Variants in ASAP3 observed in about 807,000 individuals in gnomAD.
The protein encoded by ASAP3 is arf-GAP with SH3 domain, ANK repeat and PH domain-containing protein 3.
In ASAP3, 85 loss-of-function variants were observed where a neutral mutation model predicts 118.2. That is an observed-to-expected ratio of 0.72 (90% CI 0.60 to 0.86). The LOEUF is 0.86. Among genes scored for constraint, ASAP3 ranks in the 40% least tolerant of loss-of-function variants. The pLI is 0.00. For synonymous variants in ASAP3, 432 were observed against 477.4 expected, an observed-to-expected ratio of 0.90 and a Z score of 1.24; for missense variants, 1,026 against 1,175.0, an observed-to-expected ratio of 0.87 and a Z score of 1.85.
Position 23,436,594 on chromosome 1 carries a change from G to A in ASAP3, c.1537C>T (p.His513Tyr). Residue 513 changes from histidine (H) to tyrosine (Y), a missense_variant, in exon 16 of 25, where the codon CAC becomes TAC. By Grantham distance (83) the His-to-Tyr change is moderately conservative. Coordinates refer to ENST00000336689, the MANE Select transcript of ASAP3 (RefSeq NM_017707.4). The surrounding 1 kb of genome is among the most constrained non-coding windows in gnomAD (Gnocchi z 4.2). ...TCAGCTGAGGGTTTAGGGCCGCCGT[G>A]TGAGGGTAGCTGGGCCTCCATGACC... ...NEVMEAQLPS[H>Y]GGPKPSAESD... 6.2e-7 allele frequency: 1 copy of A among 1,614,232 alleles called. No homozygotes were observed. The highest frequency in any genetic ancestry group is 8.5e-7 in the Non-Finnish European group (1 of 1,180,036).
At chr1:23,431,296 A>C (rs1640423200) in intron 23 of ASAP3, among the ~76,000 whole-genome samples, 171 bp from the exon 24 acceptor site, 1 of 152,240 alleles carries the variant, frequency 6.6e-6, no homozygotes, top group African/African-American at 2.4e-5. Flanking sequence ...ACTGACCTCC[A>C]GAAGACTCTG....
intron 1 of ASAP3, among the ~76,000 whole-genome samples, chr1:23,467,995 A>G (rs912074403): frequency 3.3e-5 from 5 of 152,102 alleles, no homozygotes; most frequent in Non-Finnish European, 5.9e-5. Flanking sequence ...ATACAACCTA[A>G]AACTTGTATA....
At chr1:23,464,968 A>G (rs1641720820) in intron 1 of ASAP3, among the ~76,000 whole-genome samples, 1 of 152,208 alleles carries the variant, frequency 6.6e-6, no homozygotes, top group South Asian at 2.1e-4. Context: ...GCTGTCCCCA[A>G]ACTACCTGGA....
chr1:23,442,061 A>G (rs1202499449), intron 7 of ASAP3, 125 bp downstream of exon 7: 1 of 996,794 alleles, frequency 1.0e-6, no homozygotes, highest in Non-Finnish European at 1.5e-6. Context: ...TCAATGAGGA[A>G]CTATGAAAGT....
intron 1 of ASAP3, among the ~76,000 whole-genome samples, chr1:23,456,851 G>GC (rs1422145384): frequency 6.6e-6 from 1 of 152,128 alleles, no homozygotes; most frequent in South Asian, 2.1e-4. Context: ...GCAGAGGGTG[G>GC]CGGGAGCACA....
rs372065372 is a variant in ASAP3, at chr1:23,436,174, C to CT, written c.1572-147dup. 284 of 881,492 alleles carry CT rather than the reference C, an allele frequency of 3.2e-4. No homozygotes were observed. The highest frequency in any genetic ancestry group is 4.2e-4 in the Non-Finnish European group (245 of 588,426). The allele number at this position is 881,492 out of a possible 1,614,324, so 54.6% of individuals were successfully genotyped here. On this transcript the variant is annotated intron_variant, in intron 16 of 24. Transcript: ENST00000336689. This position sits in a 1 kb window ranked among gnomAD's most constrained non-coding sequence, Gnocchi z 4.2. ...GATCTGAGGCTCCCCTCTCCCCAGG[C>CT]TTTTTTTTTAGACAGTCTCACTCTA...
At position 23,439,278 on chromosome 1, in the gene ASAP3, G is replaced by C. The variant is rs374695951; in HGVS notation, c.945-48C>G. The C allele has an allele frequency of 5.7e-5, 89 of 1,570,162 alleles. 1 individual carries two copies. The East Asian group carries it at 5.8e-4, about 10-fold the overall frequency. ...GACAGTGACCCAAGGCTCACACCTA[G>C]TTCGCAGGTGTCAGAGAACAGAAAT... On this transcript the variant is annotated intron_variant, in intron 10 of 24. Transcript: ENST00000336689.
At chr1:23,456,271 G>C (rs1278014794) in intron 1 of ASAP3, 77 bp from the exon 2 acceptor site, 1 of 1,388,484 alleles carries the variant, frequency 7.2e-7, no homozygotes, top group East Asian at 2.4e-5. Context: ...CTGTATCTAT[G>C]ATTTCCACCC....
Position 23,436,863 on chromosome 1 carries a change from A to G in ASAP3, c.1476+48T>C, listed in dbSNP as rs1558116609. 6.3e-7 allele frequency: 1 copy of G among 1,583,070 alleles called. No individual in the cohort carries two copies. The highest frequency in any genetic ancestry group is 2.3e-5 in the East Asian group (1 of 44,240). ...AAGCCCCGCCCCCGGATGAAACTAC[A>G]CCCCTAACTCCGCTTCTGGCCCCTT... is the stretch of plus-strand genomic sequence containing the variant. On this transcript the variant is annotated intron_variant, in intron 15 of 24. Transcript: ENST00000336689. The surrounding 1 kb of genome is among the most constrained non-coding windows in gnomAD (Gnocchi z 4.2).
intron 4 of ASAP3, among the ~76,000 whole-genome samples, chr1:23,451,905 G>C (rs188212982): frequency 3.3e-5 from 5 of 152,292 alleles, no homozygotes; most frequent in Admixed American, 3.3e-4. Context: ...AATTCCCCCT[G>C]CCTAACTTTA....
At chr1:23,445,986 A>G (rs950130220) in intron 5 of ASAP3, among the ~76,000 whole-genome samples, 10 of 152,036 alleles carry the variant, frequency 6.6e-5, no homozygotes, top group African/African-American at 2.2e-4. Context: ...GTCTCAAGAA[A>G]AAAAAAAAAG....
In ASAP3 at chr1:23,438,789, T is replaced by C. The variant is rs1459798391; in HGVS notation, c.1060A>G (p.Arg354Gly). 8 of 1,614,076 alleles carry C rather than the reference T, an allele frequency of 5.0e-6. No individual in the cohort carries two copies. Among genetic ancestry groups the C allele is most frequent in the Non-Finnish European group, 6.8e-6 (8 of 1,180,040 alleles). ...VKLTLLTCQV[R>G]PNPEEKKCFD... The stretch of plus-strand genomic sequence containing the variant: ...CACTTTTTCTCCTCAGGGTTTGGCC[T>C]CACTTGGCACGTCAGCAGGGTCAGC... The change falls in exon 12 of 25, where the codon AGG becomes GGG. Residue 354 changes from arginine to glycine, a missense_variant. Transcript: ENST00000336689. The surrounding 1 kb of genome is among the most constrained non-coding windows in gnomAD (Gnocchi z 4.9).
At chr1:23,481,006 A>C (rs1450221983) in intron 1 of ASAP3, among the ~76,000 whole-genome samples, 2 of 152,218 alleles carry the variant, frequency 1.3e-5, no homozygotes, top group Non-Finnish European at 2.9e-5. Context: ...TTACGTAGGG[A>C]GGACAGACAG....
intron 1 of ASAP3, among the ~76,000 whole-genome samples, chr1:23,477,871 C>T (rs867450509): frequency 2.0e-5 from 3 of 152,104 alleles, no homozygotes; most frequent in Non-Finnish European, 4.4e-5. Context: ...AGCCACTGCA[C>T]CCGGCTGTGA....
Position 23,437,007 on chromosome 1 carries a change from G to A in ASAP3, c.1380C>T (p.Thr460=). 1 of 1,612,222 alleles carries A rather than the reference G, an allele frequency of 6.2e-7. No individual in the cohort carries two copies. The highest frequency in any genetic ancestry group is 8.5e-7 in the Non-Finnish European group (1 of 1,179,656). The change falls in exon 15 of 25, where the codon ACC becomes ACT. Residue 460 remains threonine, a synonymous_variant. Coordinates refer to ENST00000336689, the MANE Select transcript of ASAP3 (RefSeq NM_017707.4). The surrounding 1 kb of genome is among the most constrained non-coding windows in gnomAD (Gnocchi z 6.1). ...TWLSTNLGVL[T]CIQCSGVHRE... is the part of the protein sequence containing the mutation. ...GGTGGACGCCCGAGCACTGGATGCA[G>A]GTGAGCACGCCCAGGTTGGTGCTGA... is the stretch of plus-strand genomic sequence containing the variant.
intron 1 of ASAP3, among the ~76,000 whole-genome samples, chr1:23,480,950 G>A (rs1570423886): frequency 6.6e-6 from 1 of 152,210 alleles, no homozygotes; most frequent in Non-Finnish European, 1.5e-5. Flanking sequence ...AGCAGGGAGT[G>A]ATTAAGAGAT....
At chr1:23,443,699 C>CTT (rs780457191) in intron 5 of ASAP3, among the ~76,000 whole-genome samples, 61 of 137,170 alleles carry the variant, frequency 4.4e-4, no homozygotes, top group Admixed American at 8.7e-4. Flanking sequence ...CCCAGCTAAT[C>CTT]TTTTTTTTTT....
rs753009933 is a variant in ASAP3, at chr1:23,433,329, TCCC to T, written c.2128-60_2128-58del. ...GCCTGGTTCCTCCGGTGTAGCCCTG[TCCC>T]CCCGCCTCACCGCCCCCGCCAACAC... On this transcript the variant is annotated intron_variant, in intron 21 of 24. Transcript: ENST00000336689. 2.6e-5 allele frequency: 41 copies of T among 1,606,732 alleles called. No homozygotes were observed. The South Asian group carries it at 4.5e-4, about 18-fold the overall frequency.
At chr1:23,478,044 C>A (rs908889794) in intron 1 of ASAP3, among the ~76,000 whole-genome samples, 1 of 151,812 alleles carries the variant, frequency 6.6e-6, no homozygotes, top group Non-Finnish European at 1.5e-5. Context: ...CAACCCCATC[C>A]ATTCCTTGAG....
Sources: gnomAD v4.1 joint callset for allele counts (sites outside exome capture counted in the v4.1 genomes callset) on GRCh38, gnomAD v4.1.1 for gene constraint, Gnocchi (gnomAD v3.1) non-coding constraint, MANE v1.5 for transcripts, NCBI Gene and HGNC (gene_info 2026-07-23, HGNC 2026-07-21) for gene names.